Variants in SLC2A9 observed in about 807,000 individuals in gnomAD.
SLC2A9 encodes the protein solute carrier family 2, facilitated glucose transporter member 9.
In SLC2A9, 39 loss-of-function variants were observed where a neutral mutation model predicts 50.6. The observed-to-expected ratio is 0.77, with a 90% CI of 0.60 to 1.01. SLC2A9 has a LOEUF of 1.01. Among genes scored for constraint, SLC2A9 ranks in the 50% least tolerant of loss-of-function variants. The pLI, the probability that SLC2A9 is intolerant of heterozygous loss-of-function variation, is 0.00. For synonymous variants in SLC2A9, 324 were observed against 276.9 expected (o/e 1.17, Z -1.69); for missense variants, 686 against 677.6 (o/e 1.01, Z -0.14).
At chr4:9,785,463 T>C (rs1001530825) in intron 3 of SLC2A9, among the ~76,000 whole-genome samples, 5 of 152,254 alleles carry the variant, frequency 3.3e-5, no homozygotes, top group African/African-American at 1.2e-4. Context: ...TTACTGTTTC[T>C]CTGAAGTCCA....
At chr4:9,842,146 C>G (rs1728179203) in intron 10 of SLC2A9, among the ~76,000 whole-genome samples, 1 of 152,062 alleles carries the variant, frequency 6.6e-6, no homozygotes, top group African/African-American at 2.4e-5. Context: ...TTTAACGACT[C>G]TTTTCCTGCT....
chr4:9,945,688 G>A (rs189620148), intron 5 of SLC2A9, among the ~76,000 whole-genome samples: 2 of 152,142 alleles, frequency 1.3e-5, no homozygotes, highest in Admixed American at 1.3e-4. Context: ...GGCCAGGAGA[G>A]CTTGGTCTGA....
chr4:9,918,971 A>T (rs1455156339), intron 7 of SLC2A9, among the ~76,000 whole-genome samples: 1 of 152,102 alleles, frequency 6.6e-6, no homozygotes, highest in South Asian at 2.1e-4. Flanking sequence ...CAGGTACACC[A>T]TAGAGGAATT....
intron 10 of SLC2A9, among the ~76,000 whole-genome samples, chr4:9,845,032 G>C (rs1442592605): frequency 7.5e-6 from 1 of 133,964 alleles, no homozygotes; most frequent in Non-Finnish European, 1.6e-5. Context: ...TTTTTTTTTT[G>C]AGACAGAGTC....
At chr4:9,783,663 A>T in intron 3 of SLC2A9, 1 of 602,408 alleles carries the variant, frequency 1.7e-6, no homozygotes, top group Non-Finnish European at 3.0e-6. Flanking sequence ...AACTCAGTCA[A>T]ATGTACCCAG....
chr4:9,935,642 C>T (rs1746927667), intron 6 of SLC2A9, among the ~76,000 whole-genome samples: 1 of 152,196 alleles, frequency 6.6e-6, no homozygotes, highest in Non-Finnish European at 1.5e-5. Flanking sequence ...TCTGCACCTG[C>T]TATGTGGAAG....
At chr4:9,797,996 A>C (rs1017087356), downstream of SLC2A9, among the ~76,000 whole-genome samples, 1 of 152,228 alleles carries the variant, frequency 6.6e-6, no homozygotes, top group African/African-American at 2.4e-5. Flanking sequence ...AGTGTGTGGA[A>C]TGAGTGAATG....
chr4:9,977,595 T>C (rs2109059815), intron 5 of SLC2A9, among the ~76,000 whole-genome samples: 1 of 129,484 alleles, frequency 7.7e-6, no homozygotes, highest in African/African-American at 2.9e-5. Context: ...TTTCTGCCTC[T>C]GAACAAATGC....
At chr4:9,912,645 C>T (rs1742061109) in intron 7 of SLC2A9, among the ~76,000 whole-genome samples, 2 of 152,256 alleles carry the variant, frequency 1.3e-5, no homozygotes, top group African/African-American at 4.8e-5. Context: ...AGTAAACATC[C>T]CATTTACTTT....
chr4:9,834,694 T>C (rs1165249707), intron 11 of SLC2A9, among the ~76,000 whole-genome samples, 187 bp downstream of exon 11: 5 of 152,178 alleles, frequency 3.3e-5, no homozygotes, highest in Admixed American at 1.3e-4. Flanking sequence ...AGGGAAGCTC[T>C]AGGAAGGCAC....
downstream of SLC2A9, among the ~76,000 whole-genome samples, chr4:9,775,651 C>T (rs1717454592): frequency 6.6e-6 from 1 of 152,064 alleles, no homozygotes; most frequent in African/African-American, 2.4e-5. Context: ...CCCACCGACT[C>T]TCTCTTGCTT....
At chr4:9,771,457 T>C in intron 1 of SLC2A9, 1 of 398,904 alleles carries the variant, frequency 2.5e-6, no homozygotes, top group Non-Finnish European at 4.4e-6. Context: ...CATTCCTGTT[T>C]TCCAGAACTC....
intron 11 of SLC2A9, among the ~76,000 whole-genome samples, chr4:9,827,557 G>A (rs1263409483): frequency 1.3e-5 from 2 of 152,156 alleles, no homozygotes; most frequent in Non-Finnish European, 2.9e-5. Flanking sequence ...TTGGAGAATG[G>A]CAAAGTGCTT....
intron 10 of SLC2A9, among the ~76,000 whole-genome samples, chr4:9,876,307 GC>G (rs1430289314): frequency 6.6e-6 from 1 of 152,144 alleles, no homozygotes; most frequent in Non-Finnish European, 1.5e-5. Flanking sequence ...TCACAGAACT[GC>G]TTTTAAAATC....
chr4:9,864,262 C>T (rs988166488), intron 10 of SLC2A9, among the ~76,000 whole-genome samples: 6 of 150,622 alleles, frequency 4.0e-5, no homozygotes, highest in Non-Finnish European at 8.8e-5. Flanking sequence ...GATGCCCTCT[C>T]AGAACCAGTT....
Position 9,871,482 on chromosome 4 carries a change from T to C in SLC2A9, c.1291+16085A>G, listed in dbSNP as rs375976188. Among the ~76,000 whole-genome samples the C allele has an allele frequency of 9.2e-5, 14 of 152,296 alleles. No individual in the cohort carries two copies. The East Asian group carries it at 1.4e-3, about 15-fold the overall frequency. ...TGGCTTCTGGTGCTGCTGGCAATCC[T>C]TGGTGTTCCTTTGATTCTAGATGCA... On this transcript the variant is annotated intron_variant, in intron 10 of 11. Coordinates refer to ENST00000264784, the MANE Select transcript of SLC2A9 (RefSeq NM_020041.3).
chr4:10,018,952 G>T (rs1484082167), intron 2 of SLC2A9, 23 bp downstream of exon 2: 12 of 1,547,260 alleles, frequency 7.8e-6, no homozygotes, highest in Non-Finnish European at 1.0e-5. Flanking sequence ...AGCGCCCTCT[G>T]CCGGGCCTTG....
At chr4:9,880,333 T>G in intron 10 of SLC2A9, 1 of 985,504 alleles carries the variant, frequency 1.0e-6, no homozygotes, top group African/African-American at 1.7e-5. Context: ...GGGTTGAAGA[T>G]GGATTGAGGA....
chr4:9,974,452 T>G (rs1754435760), intron 5 of SLC2A9, among the ~76,000 whole-genome samples: 1 of 152,028 alleles, frequency 6.6e-6, no homozygotes, highest in African/African-American at 2.4e-5. Flanking sequence ...ATCAGTAGTA[T>G]TTCTATACAC....
Sources: gnomAD v4.1 joint callset for allele counts (sites outside exome capture counted in the v4.1 genomes callset) on GRCh38, gnomAD v4.1.1 for gene constraint, MANE v1.5 for transcripts, NCBI Gene and HGNC (gene_info 2026-07-23, HGNC 2026-07-21) for gene names.